The following ZNF638 variants were observed in gnomAD, a reference collection of about 807,000 sequenced individuals.
ZNF638 encodes the protein zinc finger protein 638.
In ZNF638, 46 loss-of-function variants were observed where a neutral mutation model predicts 195.6. The ratio of observed to expected loss-of-function variants is 0.24; its 90% CI spans 0.19 to 0.30. ZNF638 has a LOEUF of 0.30. Ranked by LOEUF, ZNF638 falls within the 10% of genes least tolerant of loss-of-function variation. The pLI, the probability that ZNF638 is intolerant of heterozygous loss-of-function variation, is 1.00. For missense variants in ZNF638, 2,440 were observed against 2,325.3 expected (o/e 1.05, Z -1.01); for synonymous variants, 845 against 772.0 (o/e 1.09, Z -1.57).
chr2:71,410,407 C>T (rs1392913187), intron 20 of ZNF638, among the ~76,000 whole-genome samples: 1 of 151,068 alleles, frequency 6.6e-6, no homozygotes, highest in Admixed American at 6.6e-5. Context: ...GATGGGGTCT[C>T]ATTGTGTTGC....
rs1304682993 is a variant in ZNF638, at chr2:71,355,775, T to A, written c.1374T>A (p.Arg458=). The A allele has an allele frequency of 1.9e-6, 3 of 1,581,828 alleles. No individual in the cohort carries two copies. Among genetic ancestry groups the A allele is most frequent in the Non-Finnish European group, 2.6e-6 (3 of 1,159,974 alleles). ...STHIESCRQL[R]QQYPDWNPEI... ...ATATTGAGAGCTGTCGACAGTTACGTCAACAGTAAGAATATATTTTTCCTT... is the reference window on the plus strand; with the variant it reads ...ATATTGAGAGCTGTCGACAGTTACGACAACAGTAAGAATATATTTTTCCTT... The change falls in exon 3 of 28, where the codon CGT becomes CGA. Residue 458 remains arginine, a synonymous_variant. Coordinates refer to ENST00000264447, the MANE Select transcript of ZNF638 (RefSeq NM_014497.5).
chr2:71,386,652 C>T (rs2670706), intron 10 of ZNF638, among the ~76,000 whole-genome samples: 9,757 of 152,166 alleles, frequency 0.064, 415 homozygotes, highest in Non-Finnish European at 0.099. Context: ...AATTACCCAT[C>T]TTAATTCTCT....
chr2:71,388,818 C>T, intron 10 of ZNF638: 1 of 750,238 alleles, frequency 1.3e-6, no homozygotes, highest in Non-Finnish European at 2.4e-6. Flanking sequence ...ACAACAGAAA[C>T]AGTATATAAA....
At chr2:71,344,365 T>C (rs2078816698) in intron 1 of ZNF638, among the ~76,000 whole-genome samples, 1 of 152,240 alleles carries the variant, frequency 6.6e-6, no homozygotes, top group African/African-American at 2.4e-5. Flanking sequence ...CCAGTCTCTC[T>C]GCAAGCTTTT....
intron 3 of ZNF638, among the ~76,000 whole-genome samples, chr2:71,358,364 A>G (rs1218550589): frequency 8.5e-5 from 13 of 152,204 alleles, no homozygotes; most frequent in Non-Finnish European, 5.9e-5. Flanking sequence ...TCAAGAATCC[A>G]TTTTAATCAG....
chr2:71,363,109 G>T (rs1222429126), intron 3 of ZNF638, 44 bp from the exon 4 acceptor site: 1 of 1,424,366 alleles, frequency 7.0e-7, no homozygotes, highest in East Asian at 2.3e-5. Context: ...GAGCCTTACA[G>T]TCTGATTTTA....
At chr2:71,342,066 A>G (rs947099695) in intron 1 of ZNF638, among the ~76,000 whole-genome samples, 2 of 152,110 alleles carry the variant, frequency 1.3e-5, no homozygotes, top group Non-Finnish European at 2.9e-5. Context: ...AGACAGCAAA[A>G]TATCAAACTG....
At chr2:71,431,705 A>G (rs1262823083) in intron 26 of ZNF638, among the ~76,000 whole-genome samples, 5 of 151,328 alleles carry the variant, frequency 3.3e-5, no homozygotes. Context: ...GCTTGCAGTG[A>G]GCCGAGATAG....
intron 7 of ZNF638, 107 bp downstream of exon 7, chr2:71,368,635 C>A: frequency 1.7e-6 from 2 of 1,175,622 alleles, no homozygotes; most frequent in Non-Finnish European, 2.4e-6. Context: ...TATAATTGTT[C>A]TTTGAGAGTT....
chr2:71,404,846 A>T (rs1457576928), intron 17 of ZNF638, among the ~76,000 whole-genome samples: 2 of 152,212 alleles, frequency 1.3e-5, no homozygotes, highest in Non-Finnish European at 2.9e-5. Flanking sequence ...CACACCCTTC[A>T]GTGCCTCTAT....
intron 2 of ZNF638, among the ~76,000 whole-genome samples, chr2:71,351,981 T>A (rs541657337): frequency 1.3e-5 from 2 of 152,358 alleles, no homozygotes; most frequent in South Asian, 2.1e-4. Context: ...TTTTAACTAT[T>A]GTATTTGTAA....
chr2:71,344,736 C>T (rs529776349), intron 1 of ZNF638, among the ~76,000 whole-genome samples: 10 of 152,216 alleles, frequency 6.6e-5, no homozygotes, highest in Non-Finnish European at 1.3e-4. Context: ...AGTAGAAGTG[C>T]TGTTGGTGGG....
At chr2:71,410,985 C>A (rs1422562478) in intron 20 of ZNF638, among the ~76,000 whole-genome samples, 8 of 96,812 alleles carry the variant, frequency 8.3e-5, no homozygotes, top group East Asian at 8.0e-4. Flanking sequence ...CCACCACCTC[C>A]CCCCCCCTTT....
In ZNF638 at chr2:71,383,804, G is replaced by A. The variant is rs1168799213; in HGVS notation, c.2377+3239G>A. Among the ~76,000 whole-genome samples, 6 of 65,304 alleles carry A rather than the reference G, an allele frequency of 9.2e-5. No homozygotes were observed. In the South Asian group the frequency reaches 1.5e-3, roughly 17 times the overall value. The allele number at this position is 65,304 out of a possible 152,430, so 42.8% of individuals were successfully genotyped here. ...TTTAGTAGAGATGGGGTTTCACCTT[G>A]TTGGCCAGGCTGGTCTCAAACTCCT... On this transcript the variant is annotated intron_variant, in intron 10 of 27. Coordinates refer to ENST00000264447, the MANE Select transcript of ZNF638 (RefSeq NM_014497.5).
At chr2:71,363,091 G>T in intron 3 of ZNF638, 62 bp from the exon 4 acceptor site, 5 of 1,216,076 alleles carry the variant, frequency 4.1e-6, no homozygotes, top group Non-Finnish European at 2.4e-6. Context: ...TACAGGTAAA[G>T]ATTAATTGAG....
In ZNF638 at chr2:71,377,509, C is replaced by G. The variant is rs1558853881; in HGVS notation, c.2266-2713C>G. Among the ~76,000 whole-genome samples the G allele has an allele frequency of 2.6e-5, 4 of 152,114 alleles. No homozygotes were observed. In the South Asian group the frequency reaches 8.3e-4, roughly 31 times the overall value. On this transcript the variant is annotated intron_variant, in intron 8 of 27. Transcript: ENST00000264447. ...CATTACAGAAAATCTAATGAATTAA[C>G]AAGGAGATAAAAGCGAAAATACGCA...
intron 10 of ZNF638, among the ~76,000 whole-genome samples, chr2:71,382,359 A>G (rs960267465): frequency 1.3e-5 from 2 of 152,180 alleles, no homozygotes; most frequent in African/African-American, 2.4e-5. Flanking sequence ...TCCTTGCAAT[A>G]TAAATGTAGA....
At chr2:71,408,098 A>T in intron 19 of ZNF638, 24 bp from the exon 20 acceptor site, 2 of 1,597,536 alleles carry the variant, frequency 1.3e-6, no homozygotes, top group Non-Finnish European at 1.7e-6. Flanking sequence ...AGAACTATTC[A>T]TAACTTTTTA....
At chr2:71,383,685 C>T in intron 10 of ZNF638, among the ~76,000 whole-genome samples, 1 of 150,450 alleles carries the variant, frequency 6.6e-6, no homozygotes, top group African/African-American at 2.4e-5. Flanking sequence ...AGTGATTCTG[C>T]CTCAGCCTCC....
Sources: gnomAD v4.1 joint callset for allele counts (sites outside exome capture counted in the v4.1 genomes callset) on GRCh38, gnomAD v4.1.1 for gene constraint, MANE v1.5 for transcripts, NCBI Gene and HGNC (gene_info 2026-07-23, HGNC 2026-07-21) for gene names.